Variants in SOX5 observed in about 807,000 individuals in gnomAD.
The protein encoded by SOX5 is transcription factor SOX-5.
Under a neutral mutation model 92.0 loss-of-function variants are expected in SOX5, and 9 were observed. The ratio of observed to expected loss-of-function variants is 0.10; its 90% CI spans 0.06 to 0.17. The LOEUF (loss-of-function observed/expected upper bound fraction) is 0.17. SOX5 is among the 10% of genes least tolerant of loss of function. SOX5 has a pLI of 1.00. For synonymous variants in SOX5, 344 were observed against 336.3 expected (o/e 1.02, Z -0.25); for missense variants, 642 against 944.5 (o/e 0.68, Z 4.20).
chr12:24,525,887 G>A (rs1189862572), intron 1 of SOX5, among the ~76,000 whole-genome samples: 1 of 151,712 alleles, frequency 6.6e-6, no homozygotes, highest in Non-Finnish European at 1.5e-5. Context: ...TAGGTATGAA[G>A]AAAACAGAAG....
At chr12:24,436,859 CT>C (rs1939531834) in intron 1 of SOX5, among the ~76,000 whole-genome samples, 2 of 152,140 alleles carry the variant, frequency 1.3e-5, no homozygotes, top group African/African-American at 4.8e-5. Context: ...AAAGCCAACG[CT>C]TATTTACCAT....
At chr12:23,905,582 A>C (rs984759507) in intron 1 of SOX5, among the ~76,000 whole-genome samples, 1 of 152,222 alleles carries the variant, frequency 6.6e-6, no homozygotes, top group Admixed American at 6.5e-5. Context: ...GATAAATAAA[A>C]CAGAAGAAAA....
intron 1 of SOX5, among the ~76,000 whole-genome samples, chr12:23,902,871 A>G (rs77426234): frequency 0.013 from 1,942 of 152,312 alleles, 40 homozygotes; most frequent in African/African-American, 0.043. Context: ...ATAGGGCAGT[A>G]TAATTCCTAG....
At chr12:23,916,180 A>G (rs759865994) in intron 1 of SOX5, among the ~76,000 whole-genome samples, 6 of 152,194 alleles carry the variant, frequency 3.9e-5, no homozygotes, top group Admixed American at 6.5e-5. Context: ...TTTCTTACAC[A>G]CTATCATCAA....
At chr12:23,557,643 T>C (rs1181765008) in intron 11 of SOX5, among the ~76,000 whole-genome samples, 1 of 152,200 alleles carries the variant, frequency 6.6e-6, no homozygotes, top group African/African-American at 2.4e-5. Context: ...CATGCTTCTG[T>C]GTCATTCAAT....
chr12:24,503,376 T>C (rs577070925), intron 1 of SOX5, among the ~76,000 whole-genome samples: 1 of 152,266 alleles, frequency 6.6e-6, no homozygotes, highest in South Asian at 2.1e-4. Context: ...TAAAATAAAG[T>C]AAGTAAAATG....
chr12:23,695,769 G>A (rs1269257556), intron 6 of SOX5, among the ~76,000 whole-genome samples: 1 of 151,172 alleles, frequency 6.6e-6, no homozygotes, highest in Admixed American at 6.6e-5. Context: ...GTGAAACCCC[G>A]TCTCTACTAA....
chr12:24,336,005 T>C, intron 2 of SOX5, among the ~76,000 whole-genome samples: 1 of 30,406 alleles, frequency 3.3e-5, no homozygotes, highest in Admixed American at 4.6e-4. Context: ...TATTAAATTT[T>C]TCTTGTTGGT....
intron 9 of SOX5, chr12:23,584,604 T>A: frequency 1.9e-6 from 3 of 1,606,074 alleles, no homozygotes; most frequent in Non-Finnish European, 2.6e-6. Context: ...CCACTATAAC[T>A]GACTGTTTAA....
chr12:23,582,171 T>C (rs937461872), intron 9 of SOX5: 1 of 985,334 alleles, frequency 1.0e-6, no homozygotes, highest in Non-Finnish European at 1.2e-6. Context: ...CTTCCCTAGC[T>C]TGTGTGCAGC....
At chr12:24,288,864 A>C (rs1007718770) in intron 2 of SOX5, among the ~76,000 whole-genome samples, 1 of 152,152 alleles carries the variant, frequency 6.6e-6, no homozygotes, top group Non-Finnish European at 1.5e-5. Flanking sequence ...TTTTCAATAG[A>C]CATTATAATA....
intron 3 of SOX5, among the ~76,000 whole-genome samples, chr12:24,268,878 C>A (rs557595930): frequency 6.6e-6 from 1 of 152,256 alleles, no homozygotes; most frequent in South Asian, 2.1e-4. Context: ...CAATTTCAGT[C>A]ATATTCAGTA....
chr12:24,223,227 T>G (rs1338755320), intron 3 of SOX5: 1 of 152,198 alleles, frequency 6.6e-6, no homozygotes, highest in African/African-American at 2.4e-5. Context: ...GCATCACTGT[T>G]AGAACATTTT....
At chr12:24,290,538 G>T (rs1341863782) in intron 2 of SOX5, among the ~76,000 whole-genome samples, 1 of 152,096 alleles carries the variant, frequency 6.6e-6, no homozygotes, top group East Asian at 1.9e-4. Context: ...CTTGGCAAAG[G>T]CTACACAACT....
intron 1 of SOX5, among the ~76,000 whole-genome samples, chr12:24,544,031 T>C (rs1450334725): frequency 6.6e-6 from 1 of 152,200 alleles, no homozygotes; most frequent in Non-Finnish European, 1.5e-5. Context: ...TTATCCATAA[T>C]GAAAAGTAAT....
At chr12:24,334,595 C>A (rs1344783222) in intron 2 of SOX5, among the ~76,000 whole-genome samples, 1 of 152,124 alleles carries the variant, frequency 6.6e-6, no homozygotes, top group Non-Finnish European at 1.5e-5. Flanking sequence ...TGGAAAGTTA[C>A]CAAAAGCCTA....
chr12:23,621,162 G>A (rs1430538913), intron 8 of SOX5, among the ~76,000 whole-genome samples: 3 of 151,964 alleles, frequency 2.0e-5, no homozygotes, highest in East Asian at 1.9e-4. Context: ...TGAGGGATAC[G>A]TGCAACAACA....
chr12:24,049,409 A>G (rs1592675649), intron 4 of SOX5, among the ~76,000 whole-genome samples: 1 of 152,252 alleles, frequency 6.6e-6, no homozygotes, highest in African/African-American at 2.4e-5. Flanking sequence ...AGTTGTGTAG[A>G]CAGCCACAAA....
intron 1 of SOX5, among the ~76,000 whole-genome samples, chr12:24,394,190 G>C (rs572002769): frequency 1.4e-4 from 21 of 152,184 alleles, no homozygotes; most frequent in African/African-American, 4.8e-4. Flanking sequence ...ATCATACTAA[G>C]AGGTCACAAA....
Sources: gnomAD v4.1 joint callset for allele counts (sites outside exome capture counted in the v4.1 genomes callset) on GRCh38, gnomAD v4.1.1 for gene constraint, MANE v1.5 for transcripts, NCBI Gene and HGNC (gene_info 2026-07-23, HGNC 2026-07-21) for gene names.